RHOT1: variants seen among roughly 807,000 people sequenced by gnomAD.
The protein encoded by RHOT1 is mitochondrial Rho GTPase 1.
RHOT1 carries 27 observed loss-of-function variants against 95.3 expected under a neutral mutation model. That is an observed-to-expected ratio of 0.28 (90% confidence interval 0.21 to 0.39). RHOT1 has a LOEUF of 0.39. Ranked by LOEUF, RHOT1 falls within the 10% of genes least tolerant of loss-of-function variation. The pLI, the probability that RHOT1 is intolerant of heterozygous loss-of-function variation, is 1.00. For missense variants in RHOT1, 578 were observed against 786.7 expected (o/e 0.73, Z 3.17); for synonymous variants, 227 against 263.5 (o/e 0.86, Z 1.34).
intron 19 of RHOT1, among the ~76,000 whole-genome samples, chr17:32,213,044 G>C (rs897950323): frequency 2.0e-5 from 3 of 152,084 alleles, no homozygotes; most frequent in Admixed American, 6.6e-5. Flanking sequence ...TCTGTCTAGG[G>C]CATGAATTAA....
chr17:32,150,877 G>A (rs745841877), intron 1 of RHOT1: 24 of 1,538,482 alleles, frequency 1.6e-5, no homozygotes, highest in Non-Finnish European at 2.1e-5. Context: ...GGGAGAAAAA[G>A]CATAAGCACT....
At chr17:32,178,607 G>A (rs992799083) in intron 6 of RHOT1, among the ~76,000 whole-genome samples, 5 of 152,128 alleles carry the variant, frequency 3.3e-5, no homozygotes, top group Admixed American at 6.5e-5. Flanking sequence ...CTGCCCGCCC[G>A]CCACCCCGTC....
At chr17:32,167,322 A>G (rs1162529953) in intron 1 of RHOT1, among the ~76,000 whole-genome samples, 2 of 150,826 alleles carry the variant, frequency 1.3e-5, no homozygotes, top group East Asian at 3.9e-4. Context: ...GAATAGATTG[A>G]GCATAATTTT....
chr17:32,170,128 A>G (rs114662744), intron 1 of RHOT1, among the ~76,000 whole-genome samples: 4,883 of 152,216 alleles, frequency 0.032, 256 homozygotes, highest in African/African-American at 0.11. Context: ...AAAATAATGC[A>G]GGATGGCTGG....
At chr17:32,206,601 G>A (rs1238827937) in intron 16 of RHOT1, among the ~76,000 whole-genome samples, 2 of 151,634 alleles carry the variant, frequency 1.3e-5, no homozygotes, top group East Asian at 1.9e-4. Context: ...ACAGGCACCC[G>A]CCACCACACC....
chr17:32,178,133 C>T (rs182966646), intron 6 of RHOT1, among the ~76,000 whole-genome samples: 11 of 152,000 alleles, frequency 7.2e-5, no homozygotes, highest in Non-Finnish European at 1.2e-4. Context: ...GATGCTGAGT[C>T]GATCGACCAC....
intron 19 of RHOT1, among the ~76,000 whole-genome samples, chr17:32,216,658 A>G (rs1432117557): frequency 6.6e-6 from 1 of 152,156 alleles, no homozygotes; most frequent in African/African-American, 2.4e-5. Flanking sequence ...TTTAATAATC[A>G]CCCAAGTTCT....
chr17:32,145,312 TATATATTGATA>T (rs1387688799), intron 1 of RHOT1, among the ~76,000 whole-genome samples: 1 of 152,002 alleles, frequency 6.6e-6, no homozygotes, highest in Non-Finnish European at 1.5e-5. Context: ...AAAATATATA[TATATATTGATA>T]ATAGTAAACA....
At chr17:32,224,556 C>A in intron 19 of RHOT1, 60 bp from the exon 20 acceptor site, 1 of 1,162,548 alleles carries the variant, frequency 8.6e-7, no homozygotes, top group Non-Finnish European at 1.2e-6. Context: ...TGCTAAATAA[C>A]TGGTATAGGG....
At chr17:32,216,226 A>G (rs905687818) in intron 19 of RHOT1, among the ~76,000 whole-genome samples, 2 of 151,766 alleles carry the variant, frequency 1.3e-5, no homozygotes, top group Non-Finnish European at 2.9e-5. Context: ...GTTTGTTTTC[A>G]TTTGTTTGTT....
chr17:32,161,879 T>G (rs1484735011), intron 1 of RHOT1, among the ~76,000 whole-genome samples: 2 of 152,306 alleles, frequency 1.3e-5, no homozygotes, highest in Admixed American at 1.3e-4. Flanking sequence ...AAGTGCTATA[T>G]TCACGATTAT....
chr17:32,176,770 C>T (rs2035044640), intron 6 of RHOT1, among the ~76,000 whole-genome samples: 1 of 151,880 alleles, frequency 6.6e-6, no homozygotes, highest in Admixed American at 6.6e-5. Flanking sequence ...GAGGGTTTCG[C>T]ACGTTGGTCA....
At chr17:32,212,333 C>A (rs1366814417) in intron 19 of RHOT1, among the ~76,000 whole-genome samples, 1 of 152,206 alleles carries the variant, frequency 6.6e-6, no homozygotes, top group Non-Finnish European at 1.5e-5. Flanking sequence ...GTTTCGAGCA[C>A]TAACAGCTCT....
intron 1 of RHOT1, among the ~76,000 whole-genome samples, chr17:32,157,184 C>T (rs1484450437): frequency 6.6e-6 from 1 of 152,230 alleles, no homozygotes; most frequent in Non-Finnish European, 1.5e-5. Context: ...AAGCTCCCTT[C>T]CCATTACATT....
intron 6 of RHOT1, chr17:32,179,880 A>C (rs558235853): frequency 7.4e-6 from 1 of 135,232 alleles, no homozygotes; most frequent in African/African-American, 3.2e-5. Context: ...GGAAATGGGA[A>C]GCGCCTCTGC....
chr17:32,175,492 C>T, intron 4 of RHOT1, 130 bp downstream of exon 4: 2 of 901,902 alleles, frequency 2.2e-6, no homozygotes. Flanking sequence ...CACTCTGTCA[C>T]CCACTCTGTC....
In RHOT1 at chr17:32,225,515, G is replaced by C. The variant is rs1196110840; in HGVS notation, c.*782G>C. ...TTACTACTGTTGAATTTCATCCCAA[G>C]TGTAAATCATTCTATAATGGCTGTG... On this transcript the variant is annotated 3_prime_UTR_variant, in exon 20 of 20. Coordinates refer to ENST00000545287, the MANE Select transcript of RHOT1 (RefSeq NM_001033566.3). The C allele has an allele frequency of 6.6e-6, 1 of 152,516 alleles. No homozygotes were observed. The highest frequency in any genetic ancestry group is 1.5e-5 in the Non-Finnish European group (1 of 68,020). The allele number at this position is 152,516 out of a possible 1,614,324, so 9.4% of individuals were successfully genotyped here. A position where few individuals can be genotyped will look rare whatever the true frequency, so the allele number is the denominator to read the frequency against.
intron 8 of RHOT1, among the ~76,000 whole-genome samples, chr17:32,189,393 A>T (rs754312059): frequency 6.6e-6 from 1 of 152,254 alleles, no homozygotes; most frequent in Admixed American, 6.5e-5. Context: ...GAAATTTGGG[A>T]AACAGTCTTA....
At chr17:32,149,878 A>G (rs889653042) in intron 1 of RHOT1, among the ~76,000 whole-genome samples, 1 of 151,558 alleles carries the variant, frequency 6.6e-6, no homozygotes, top group African/African-American at 2.4e-5. Flanking sequence ...CCTCCATAGT[A>G]GCTGGGATTA....
Sources: allele counts gnomAD v4.1 joint callset (sites outside exome capture counted in the v4.1 genomes callset), GRCh38; gene constraint gnomAD v4.1.1; transcripts MANE v1.5; gene names NCBI Gene and HGNC (gene_info 2026-07-23, HGNC 2026-07-21).